The following ME1 variants were observed in gnomAD, a reference collection of about 807,000 sequenced individuals.
ME1 encodes NADP-dependent malic enzyme.
A neutral mutation model predicts 66.4 loss-of-function variants in ME1; 74 were observed. That is an observed-to-expected ratio of 1.11 (90% CI 0.92 to 1.35). The LOEUF (loss-of-function observed/expected upper bound fraction) is 1.35. Among genes scored for constraint, ME1 ranks in the 40% most tolerant of loss-of-function variants. ME1 has a pLI of 0.00. For missense variants in ME1, 750 were observed against 694.1 expected (o/e 1.08, Z -0.90); for synonymous variants, 251 against 235.6 (o/e 1.07, Z -0.60).
At chr6:83,406,222 T>G (rs1456075045) in intron 2 of ME1, among the ~76,000 whole-genome samples, 2 of 152,210 alleles carry the variant, frequency 1.3e-5, no homozygotes, top group Admixed American at 1.3e-4. Context: ...GCTGCTGGAT[T>G]CGGTTTGCAA....
chr6:83,360,544 C>T (rs1049638165), intron 3 of ME1, among the ~76,000 whole-genome samples: 3 of 152,128 alleles, frequency 2.0e-5, no homozygotes, highest in African/African-American at 7.2e-5. Context: ...TGGCAGAACC[C>T]CCACATTAGC....
chr6:83,303,203 AAG>A (rs970459995), intron 6 of ME1, among the ~76,000 whole-genome samples: 3 of 152,184 alleles, frequency 2.0e-5, no homozygotes, highest in African/African-American at 4.8e-5. Context: ...GTTTCAAAAA[AAG>A]AGAGAGTTGA....
chr6:83,356,375 A>T (rs913783828), intron 3 of ME1, among the ~76,000 whole-genome samples: 53 of 152,172 alleles, frequency 3.5e-4, no homozygotes, highest in Admixed American at 3.4e-3. Context: ...TATACCAAAG[A>T]TCTGGACTGA....
At chr6:83,341,113 A>G (rs971004131) in intron 5 of ME1, among the ~76,000 whole-genome samples, 2 of 152,116 alleles carry the variant, frequency 1.3e-5, no homozygotes, top group African/African-American at 4.8e-5. Context: ...CTGGAGACTG[A>G]GTTCAACCAC....
chr6:83,283,176 C>T (rs1472396321), intron 6 of ME1, among the ~76,000 whole-genome samples: 1 of 134,052 alleles, frequency 7.5e-6, no homozygotes, highest in Non-Finnish European at 1.6e-5. Flanking sequence ...TGCAGTGAGC[C>T]GAGATCGCGC....
intron 5 of ME1, among the ~76,000 whole-genome samples, chr6:83,316,544 A>T: frequency 6.6e-6 from 1 of 151,988 alleles, no homozygotes; most frequent in Non-Finnish European, 1.5e-5. Flanking sequence ...CATCACTTCT[A>T]CTCTACACTA....
rs749380058 is a variant in ME1, at chr6:83,430,862, G to T, written c.78+15C>A. 1.9e-6 allele frequency: 3 copies of T among 1,592,856 alleles called. No individual in the cohort carries two copies. Among genetic ancestry groups the T allele is most frequent in the Admixed American group, 3.4e-5 (2 of 57,980 alleles). On this transcript the variant is annotated intron_variant, in intron 1 of 13. Transcript: ENST00000369705. ...AGAGGGGCCGATGGGCGGCCAGGTG[G>T]GCCTGCGGGTTTACCTTGTTGAGGT...
intron 1 of ME1, among the ~76,000 whole-genome samples, chr6:83,411,793 C>A (rs3798889): frequency 0.32 from 48,210 of 151,994 alleles, 8,008 homozygotes; most frequent in Middle Eastern, 0.49. Context: ...ACATCTAATT[C>A]TCTAAAGACA....
chr6:83,323,637 A>C (rs1768226562), intron 5 of ME1, among the ~76,000 whole-genome samples: 1 of 152,226 alleles, frequency 6.6e-6, no homozygotes, highest in Non-Finnish European at 1.5e-5. Context: ...AGAAGAACTA[A>C]GTATCCTAAA....
intron 9 of ME1, among the ~76,000 whole-genome samples, chr6:83,232,583 A>G (rs2128524612): frequency 6.6e-6 from 1 of 152,316 alleles, no homozygotes; most frequent in East Asian, 1.9e-4. Context: ...TTGAAATAAA[A>G]AAGAGGGAGA....
chr6:83,280,628 G>T (rs758822055), intron 6 of ME1, among the ~76,000 whole-genome samples: 6 of 152,140 alleles, frequency 3.9e-5, no homozygotes, highest in Non-Finnish European at 7.4e-5. Context: ...TCCACTAACT[G>T]CTCCTTTTGC....
intron 6 of ME1, among the ~76,000 whole-genome samples, chr6:83,312,752 C>CT (rs1322149805): frequency 9.7e-4 from 147 of 151,118 alleles, no homozygotes; most frequent in African/African-American, 3.0e-3. Flanking sequence ...ATGGGTACTC[C>CT]TTTTTTTTTA....
rs1445188239 is a variant in ME1 at position 83,228,950 on chromosome 6, A to T, written c.1027-19T>A. ...CACGTCCCTAAGTAAAGCCAGTAAG[A>T]AAAAATTAAGAATCTGCCAAACATG... On this transcript the variant is annotated intron_variant, in intron 9 of 13. Transcript: ENST00000369705. 1.3e-6 allele frequency: 2 copies of T among 1,550,708 alleles called. No individual in the cohort carries two copies. Among genetic ancestry groups the T allele is most frequent in the Admixed American group, 3.9e-5 (2 of 51,486 alleles).
At chr6:83,414,696 T>G (rs900655779) in intron 1 of ME1, among the ~76,000 whole-genome samples, 3 of 152,204 alleles carry the variant, frequency 2.0e-5, no homozygotes, top group Non-Finnish European at 4.4e-5. Flanking sequence ...TATTTCTCAC[T>G]TAAAAGTCTT....
intron 6 of ME1, among the ~76,000 whole-genome samples, chr6:83,260,753 A>C (rs1042685630): frequency 1.3e-5 from 2 of 152,186 alleles, no homozygotes; most frequent in East Asian, 3.8e-4. Context: ...CCAGCTCTCC[A>C]GCTCCATCCA....
At chr6:83,213,510 TCCTG>T (rs1380769516) in intron 13 of ME1, among the ~76,000 whole-genome samples, 1 of 151,954 alleles carries the variant, frequency 6.6e-6, no homozygotes, top group African/African-American at 2.4e-5. Context: ...GTTAACAGGC[TCCTG>T]CCACCACACC....
At chr6:83,419,162 GTTAT>G (rs1770217549) in intron 1 of ME1, among the ~76,000 whole-genome samples, 2 of 152,136 alleles carry the variant, frequency 1.3e-5, no homozygotes, top group African/African-American at 4.8e-5. Context: ...TTCCTGACTA[GTTAT>G]TCCATTTCAT....
chr6:83,261,420 A>ATTTTTTTTTTT (rs57450786), intron 6 of ME1, among the ~76,000 whole-genome samples: 2 of 110,878 alleles, frequency 1.8e-5, no homozygotes, highest in Non-Finnish European at 3.6e-5. Context: ...TCTGTTGGTA[A>ATTTTTTTTTTT]TTTTTTTTTT....
intron 12 of ME1, among the ~76,000 whole-genome samples, chr6:83,218,081 C>A (rs1790026134): frequency 6.6e-6 from 1 of 152,076 alleles, no homozygotes; most frequent in Admixed American, 6.5e-5. Context: ...TAATTTCTTG[C>A]CTTTGTAACA....
Sources: gnomAD v4.1 joint callset for allele counts (sites outside exome capture counted in the v4.1 genomes callset) on GRCh38, gnomAD v4.1.1 for gene constraint, MANE v1.5 for transcripts, NCBI Gene and HGNC (gene_info 2026-07-23, HGNC 2026-07-21) for gene names.